The following AIF1 variants were observed in gnomAD, a reference collection of about 807,000 sequenced individuals.
AIF1 encodes interferon gamma responsive transcript.
AIF1 carries 21 observed loss-of-function variants against 20.6 expected under a neutral mutation model. That is an observed-to-expected ratio of 1.02 (90% confidence interval 0.72 to 1.47). AIF1 has a LOEUF of 1.47. AIF1 is among the 40% of genes most tolerant of loss of function. The pLI, the probability that AIF1 is intolerant of heterozygous loss-of-function variation, is 0.00. For synonymous variants in AIF1, 52 were observed against 65.8 expected (o/e 0.79, Z 1.01); for missense variants, 161 against 170.5 (o/e 0.94, Z 0.31).
At position 31,616,630 on chromosome 6, in the gene AIF1, C is replaced by A; in HGVS notation, c.359+124C>A. 6.7e-7 allele frequency: 1 copy of A among 1,491,548 alleles called. No homozygotes were observed. The allele number at this position is 1,491,548 out of a possible 1,614,324, so 92.4% of individuals were successfully genotyped here. A position where few individuals can be genotyped will look rare whatever the true frequency, so the allele number is the denominator to read the frequency against. ...ATCCCTTCTTCCATCCTTAGAGGGA[C>A]CCTTCCAAGGTCCCGACCCCATCCC... On this transcript the variant is annotated intron_variant, in intron 5 of 5. Transcript: ENST00000376059. The surrounding 1 kb of genome is among the most constrained non-coding windows in gnomAD (Gnocchi z 4.0).
intron 2 of AIF1, 32 bp from the exon 3 acceptor site, chr6:31,615,638 G>T: frequency 6.2e-7 from 1 of 1,613,160 alleles, no homozygotes. Flanking sequence ...GATGGGGAGG[G>T]CCTACCCTGG....
At position 31,616,342 on chromosome 6, in the gene AIF1, A is replaced by G. The variant is rs200932043; in HGVS notation, c.197-2A>G. The stretch of plus-strand genomic sequence containing the variant: ...CTCCCCATCCCCATCCTCTGCCCCC[A>G]GATATCATGTCCCTGAAACGAATGC... On this transcript the variant is annotated splice_acceptor_variant, in intron 4 of 5. Coordinates refer to ENST00000376059, the MANE Select transcript of AIF1 (RefSeq NM_001623.5). LOFTEE classifies it high-confidence loss of function. The surrounding 1 kb of genome is among the most constrained non-coding windows in gnomAD (Gnocchi z 4.0). 256 of 1,612,586 alleles carry G rather than the reference A, an allele frequency of 1.6e-4. 3 individuals carry two copies. Among genetic ancestry groups the G allele is most frequent in the Middle Eastern group, 1.3e-3 (8 of 6,056 alleles).
chr6:31,615,981 G>T, intron 3 of AIF1, 123 bp from the exon 4 acceptor site: 1 of 1,514,536 alleles, frequency 6.6e-7, no homozygotes, highest in Non-Finnish European at 8.8e-7. Context: ...TCCTCTGCCT[G>T]CCCCTCCTCC....
chr6:31,615,946 G>A (rs559993306), intron 3 of AIF1, 158 bp from the exon 4 acceptor site: 5 of 1,482,140 alleles, frequency 3.4e-6, no homozygotes, highest in East Asian at 2.3e-5. Context: ...ACCCTAGCGG[G>A]GCCCCTCAAC....
At position 31,615,754 on chromosome 6, in the gene AIF1, G is replaced by T; in HGVS notation, c.154+18G>T. ...CTTCAAAGGTGAGGGGGAAACTGTA[G>T]GCGGTGGAGACAGGGCTGGGGGTAG... On this transcript the variant is annotated intron_variant, in intron 3 of 5. Coordinates refer to ENST00000376059, the MANE Select transcript of AIF1 (RefSeq NM_001623.5). 6.2e-7 allele frequency: 1 copy of T among 1,602,434 alleles called. No individual in the cohort carries two copies. The highest frequency in any genetic ancestry group is 2.2e-5 in the East Asian group (1 of 44,614).
chr6:31,616,515 C>T lies in AIF1; in HGVS notation c.359+9C>T. The T allele has an allele frequency of 1.3e-6, 2 of 1,599,296 alleles. No individual in the cohort carries two copies. The highest frequency in any genetic ancestry group is 1.7e-6 in the Non-Finnish European group (2 of 1,172,406). Reference sequence around the variant, plus strand: ...TCTGCCATCCTAAAAATGTGAGTGTCAATTTCCAACCTCCCCTGTACTTAC... The same window carrying T: ...TCTGCCATCCTAAAAATGTGAGTGTTAATTTCCAACCTCCCCTGTACTTAC... On this transcript the variant is annotated intron_variant, in intron 5 of 5. Transcript: ENST00000376059. This position sits in a 1 kb window ranked among gnomAD's most constrained non-coding sequence, Gnocchi z 4.0.
At chr6:31,615,455 G>C in intron 1 of AIF1, 66 bp from the exon 2 acceptor site, 4 of 1,613,410 alleles carry the variant, frequency 2.5e-6, no homozygotes, top group Non-Finnish European at 3.4e-6. Context: ...AGGGTAGCCC[G>C]GGCTGGTGTC....
Position 31,616,906 on chromosome 6 carries a change from A to G in AIF1, c.*6A>G. 6.2e-7 allele frequency: 1 copy of G among 1,614,196 alleles called. No homozygotes were observed. The highest frequency in any genetic ancestry group is 2.2e-5 in the East Asian group (1 of 44,882). On this transcript the variant is annotated 3_prime_UTR_variant, in exon 6 of 6. Transcript: ENST00000376059. This position sits in a 1 kb window ranked among gnomAD's most constrained non-coding sequence, Gnocchi z 4.0. ...CTATCTCTGAGTTGCCCTGATTTGA[A>G]GGGAAAAGGGATGATGGGATTGAAG... is the stretch of plus-strand genomic sequence containing the variant.
At position 31,615,680 on chromosome 6, in the gene AIF1, A is replaced by G. The variant is rs1432133822; in HGVS notation, c.98A>G (p.Asp33Gly). ...RLDEINKQFL[D>G]DPKYSSDEDL... Reference sequence around the variant, plus strand: ...TTTTCCCCTCCATAGCAATTCCTAGACGATCCCAAATATAGCAGTGATGAG... The same window carrying G: ...TTTTCCCCTCCATAGCAATTCCTAGGCGATCCCAAATATAGCAGTGATGAG... Residue 33 changes from aspartate to glycine, a missense_variant, in exon 3 of 6, where the codon GAC becomes GGC. Physicochemically the swap from Asp to Gly is moderately conservative, Grantham distance 94 (BLOSUM62 -1). Transcript: ENST00000376059. The G allele has an allele frequency of 1.2e-6, 2 of 1,613,012 alleles. No homozygotes were observed. The highest frequency in any genetic ancestry group is 1.7e-6 in the Non-Finnish European group (2 of 1,179,846).
At chr6:31,615,782 G>C (rs773204869) in intron 3 of AIF1, 46 bp downstream of exon 3, 2 of 1,582,032 alleles carry the variant, frequency 1.3e-6, no homozygotes, top group Non-Finnish European at 8.6e-7. Context: ...GGGGGTAGGA[G>C]GGTTAGGATT....
chr6:31,616,866 C>G lies in AIF1; in HGVS notation c.410C>G (p.Pro137Arg). The stretch of plus-strand genomic sequence containing the variant: ...AGAGAAAAGGAAAAGCCAACAGGCC[C>G]CCCAGCCAAGAAAGCTATCTCTGAG... ...KAREKEKPTGPPAKKAISELP is the reference protein window; with the variant it reads ...KAREKEKPTGRPAKKAISELP Residue 137 changes from proline (P) to arginine (R), a missense_variant, in exon 6 of 6, where the codon CCC becomes CGC. Pro to Arg is a moderately radical substitution (Grantham distance 103). Coordinates refer to ENST00000376059, the MANE Select transcript of AIF1 (RefSeq NM_001623.5). The surrounding 1 kb of genome is among the most constrained non-coding windows in gnomAD (Gnocchi z 4.0). 6.2e-7 allele frequency: 1 copy of G among 1,614,168 alleles called. No homozygotes were observed. The highest frequency in any genetic ancestry group is 8.5e-7 in the Non-Finnish European group (1 of 1,180,034).
chr6:31,616,291 G>A lies in AIF1; in HGVS notation c.197-53G>A, dbSNP rs762727255. 41 of 1,612,756 alleles carry A rather than the reference G, an allele frequency of 2.5e-5. No individual in the cohort carries two copies. The Admixed American group carries it at 6.7e-4, about 26-fold the overall frequency. On this transcript the variant is annotated intron_variant, in intron 4 of 5. Coordinates refer to ENST00000376059, the MANE Select transcript of AIF1 (RefSeq NM_001623.5). The surrounding 1 kb of genome is among the most constrained non-coding windows in gnomAD (Gnocchi z 4.0). Reference sequence around the variant, plus strand: ...GGAGAATGGGGATGCGGAAGTGGGAGAGGAGAGAGAGGGTCTCCCCACCTT... The same window carrying A: ...GGAGAATGGGGATGCGGAAGTGGGAAAGGAGAGAGAGGGTCTCCCCACCTT...
Position 31,616,181 on chromosome 6 carries a change from T to C in AIF1, c.196+36T>C, listed in dbSNP as rs775285407. The C allele has an allele frequency of 2.5e-6, 4 of 1,613,010 alleles. No individual in the cohort carries two copies. The Admixed American group carries it at 5.0e-5, about 20-fold the overall frequency. On this transcript the variant is annotated intron_variant, in intron 4 of 5. Coordinates refer to ENST00000376059, the MANE Select transcript of AIF1 (RefSeq NM_001623.5). This position sits in a 1 kb window ranked among gnomAD's most constrained non-coding sequence, Gnocchi z 4.0. The stretch of plus-strand genomic sequence containing the variant: ...GGTGATTTGCGGGGGCAGGGTGGTG[T>C]GCAGGCCTAAGAAGACAGAGGTCTC...
intron 3 of AIF1, 111 bp downstream of exon 3, chr6:31,615,847 A>C: frequency 6.6e-7 from 1 of 1,518,886 alleles, no homozygotes; most frequent in East Asian, 2.4e-5. Context: ...TTGTGGTAGC[A>C]AAAGGGGAAC....
chr6:31,616,431 G>C lies in AIF1; in HGVS notation c.284G>C (p.Ser95Thr), dbSNP rs1774375036. ...AAGAAATTAATTGGAGAGGTGTCCAGTGGCTCCGGGGAGACGTTCAGCTAC... is the reference window on the plus strand; with the variant it reads ...AAGAAATTAATTGGAGAGGTGTCCACTGGCTCCGGGGAGACGTTCAGCTAC... ...ELKKLIGEVS[S>T]GSGETFSYPD... is the part of the protein sequence containing the mutation. The change falls in exon 5 of 6, where the codon AGT (serine) becomes ACT (threonine). Residue 95 changes from serine to threonine, a missense_variant. Physicochemically the swap from Ser to Thr is moderately conservative, Grantham distance 58. Coordinates refer to ENST00000376059, the MANE Select transcript of AIF1 (RefSeq NM_001623.5). The surrounding 1 kb of genome is among the most constrained non-coding windows in gnomAD (Gnocchi z 4.0). 6.2e-7 allele frequency: 1 copy of C among 1,612,968 alleles called. No individual in the cohort carries two copies. The highest frequency in any genetic ancestry group is 1.1e-5 in the South Asian group (1 of 91,084).
rs1161410808 is a variant in AIF1, at chr6:31,616,418, G to T, written c.271G>T (p.Gly91Ter). The T allele has an allele frequency of 3.1e-6, 5 of 1,612,894 alleles. No homozygotes were observed. The highest frequency in any genetic ancestry group is 4.2e-6 in the Non-Finnish European group (5 of 1,180,018). The change falls in exon 5 of 6, where the codon GGA becomes TGA. Residue 91 changes from glycine (G) to a stop codon, truncating the protein, a stop_gained. Transcript: ENST00000376059. LOFTEE classifies it high-confidence loss of function. The surrounding 1 kb of genome is among the most constrained non-coding windows in gnomAD (Gnocchi z 4.0). ...KTHLELKKLIGEVSSGSGETF... is the reference protein window; with the variant it reads ...KTHLELKKLI ...TCACCTAGAGCTAAAGAAATTAATTGGAGAGGTGTCCAGTGGCTCCGGGGA... is the reference window on the plus strand; with the variant it reads ...TCACCTAGAGCTAAAGAAATTAATTTGAGAGGTGTCCAGTGGCTCCGGGGA...
intron 2 of AIF1, 31 bp downstream of exon 2, chr6:31,615,613 G>A: frequency 1.2e-6 from 2 of 1,613,676 alleles, no homozygotes; most frequent in Non-Finnish European, 8.5e-7. Flanking sequence ...GGCAGAGCCA[G>A]GGGGATGGGG....
Position 31,616,079 on chromosome 6 carries a change from C to A in AIF1, c.155-25C>A. The A allele has an allele frequency of 6.4e-7, 1 of 1,550,798 alleles. No homozygotes were observed. Among genetic ancestry groups the A allele is most frequent in the Non-Finnish European group, 8.7e-7 (1 of 1,148,230 alleles). On this transcript the variant is annotated intron_variant, in intron 3 of 5. Transcript: ENST00000376059. The surrounding 1 kb of genome is among the most constrained non-coding windows in gnomAD (Gnocchi z 4.0). ...GAAAACCCTCCAGTCAGCGCTTATC[C>A]CTTCTGCTCTCTCCCCTCACCCAGA...
In AIF1 at chr6:31,616,701, C is replaced by A; in HGVS notation, c.360-115C>A. 1 of 1,541,708 alleles carries A rather than the reference C, an allele frequency of 6.5e-7. No individual in the cohort carries two copies. The highest frequency in any genetic ancestry group is 8.8e-7 in the Non-Finnish European group (1 of 1,141,068). The stretch of plus-strand genomic sequence containing the variant: ...AGAAACTCCAACCCCTGCCCTTCCT[C>A]TTCCCCCTTCCACCCTCACATCCCC... On this transcript the variant is annotated intron_variant, in intron 5 of 5. Coordinates refer to ENST00000376059, the MANE Select transcript of AIF1 (RefSeq NM_001623.5). The surrounding 1 kb of genome is among the most constrained non-coding windows in gnomAD (Gnocchi z 4.0).
Sources: allele counts gnomAD v4.1 joint callset, GRCh38; gene constraint gnomAD v4.1.1; non-coding constraint Gnocchi (gnomAD v3.1); transcripts MANE v1.5; gene names NCBI Gene and HGNC (gene_info 2026-07-23, HGNC 2026-07-21).